DYNC1LI1: variants seen among roughly 807,000 people sequenced by gnomAD.
DYNC1LI1 encodes cytoplasmic dynein 1 light intermediate chain 1.
Under a neutral mutation model 63.8 loss-of-function variants are expected in DYNC1LI1, and 19 were observed. That is an observed-to-expected ratio of 0.30 (90% CI 0.21 to 0.44). The LOEUF is 0.44. Ranked by LOEUF, DYNC1LI1 falls within the 20% of genes least tolerant of loss-of-function variation. DYNC1LI1 has a pLI of 1.00. For synonymous variants in DYNC1LI1, 225 were observed against 232.3 expected (o/e 0.97, Z 0.28); for missense variants, 565 against 630.2 (o/e 0.90, Z 1.11).
chr3:32,569,984 G>C (rs945495205), intron 2 of DYNC1LI1, among the ~76,000 whole-genome samples: 4 of 152,226 alleles, frequency 2.6e-5, no homozygotes, highest in African/African-American at 4.8e-5. Context: ...CTCTCGCAAA[G>C]AGCCTCCTGC....
chr3:32,544,866 GATTA>G lies in DYNC1LI1; in HGVS notation c.568+6_568+9del. The G allele has an allele frequency of 6.4e-7, 1 of 1,568,992 alleles. No homozygotes were observed. Among genetic ancestry groups the G allele is most frequent in the Non-Finnish European group, 8.8e-7 (1 of 1,140,048 alleles). Reference sequence around the variant, plus strand: ...TTTGAAACCTACATTACTGTTTCTAGATTACTTACACTTTTGTTCCATTTGTTTC... The same window carrying G: ...TTTGAAACCTACATTACTGTTTCTAGCTTACACTTTTGTTCCATTTGTTTC... On this transcript the variant is annotated splice_donor_region_variant and intron_variant, in intron 4 of 12. Transcript: ENST00000273130.
intron 2 of DYNC1LI1, among the ~76,000 whole-genome samples, chr3:32,559,672 C>G (rs1024310353): frequency 1.3e-5 from 2 of 152,142 alleles, no homozygotes; most frequent in African/African-American, 4.8e-5. Flanking sequence ...TGAACACTTC[C>G]CAAGTACGCA....
intron 2 of DYNC1LI1, among the ~76,000 whole-genome samples, chr3:32,557,870 CA>C (rs1313422511): frequency 6.6e-6 from 1 of 152,142 alleles, no homozygotes; most frequent in Non-Finnish European, 1.5e-5. Flanking sequence ...TACAATTACG[CA>C]AGTAGAGAGT....
chr3:32,570,707 T>C lies in DYNC1LI1; in HGVS notation c.64A>G (p.Thr22Ala). The change falls in exon 1 of 13, where the codon ACT becomes GCT. Residue 22 changes from threonine to alanine, a missense_variant. Thr to Ala is a moderately conservative substitution (Grantham distance 58). Coordinates refer to ENST00000273130, the MANE Select transcript of DYNC1LI1 (RefSeq NM_016141.4). ...SSPPGLSSTYTGGPLGNEIAS... is the reference protein window; with the variant it reads ...SSPPGLSSTYAGGPLGNEIAS... Reference sequence around the variant, plus strand: ...ATCTCGTTGCCCAAGGGGCCGCCAGTGTAAGTCGAGGATAATCCCGGCGGA... The same window carrying C: ...ATCTCGTTGCCCAAGGGGCCGCCAGCGTAAGTCGAGGATAATCCCGGCGGA... 6.2e-7 allele frequency: 1 copy of C among 1,608,816 alleles called. No individual in the cohort carries two copies. The highest frequency in any genetic ancestry group is 8.5e-7 in the Non-Finnish European group (1 of 1,177,720).
At chr3:32,560,471 G>A (rs970357468) in intron 2 of DYNC1LI1, among the ~76,000 whole-genome samples, 1 of 152,008 alleles carries the variant, frequency 6.6e-6, no homozygotes, top group African/African-American at 2.4e-5. Flanking sequence ...GCTCAGTTGT[G>A]TAACCTAGGG....
chr3:32,526,961 G>A (rs957382868), intron 12 of DYNC1LI1, 53 bp from the exon 13 acceptor site: 19 of 1,240,524 alleles, frequency 1.5e-5, no homozygotes, highest in Middle Eastern at 1.9e-4. Flanking sequence ...TGAAAGTATC[G>A]TTTTCACCAA....
intron 7 of DYNC1LI1, among the ~76,000 whole-genome samples, chr3:32,533,401 T>C (rs1697728146): frequency 1.3e-5 from 2 of 152,092 alleles, no homozygotes; most frequent in Non-Finnish European, 1.5e-5. Context: ...CGCTTGAGCC[T>C]GGGAGGCAGG....
intron 2 of DYNC1LI1, among the ~76,000 whole-genome samples, chr3:32,546,562 A>G (rs763947823): frequency 5.3e-5 from 8 of 152,228 alleles, no homozygotes; most frequent in Non-Finnish European, 1.0e-4. Flanking sequence ...AGGTTTCAGG[A>G]ATTTCCACTC....
chr3:32,536,915 G>A, intron 6 of DYNC1LI1, 96 bp downstream of exon 6: 1 of 649,960 alleles, frequency 1.5e-6, no homozygotes, highest in Non-Finnish European at 2.6e-6. Context: ...AATGTTTACA[G>A]AATTTCTCAA....
intron 2 of DYNC1LI1, among the ~76,000 whole-genome samples, chr3:32,557,321 G>A (rs1698127942): frequency 6.6e-6 from 1 of 152,008 alleles, no homozygotes; most frequent in African/African-American, 2.4e-5. Context: ...TTTGAGACCA[G>A]CCTGGCCAAC....
chr3:32,545,053 G>C lies in DYNC1LI1; in HGVS notation c.391C>G (p.Leu131Val). ...ACGGCATCCAGTGAAAATTTAAGGA[G>C]GCCTTTGTGATATAGGTCTCCATCT... ...ILDGDLYHKG[L>V]LKFSLDAVSL... is the part of the protein sequence containing the mutation. Residue 131 changes from leucine (L) to valine (V), a missense_variant, in exon 4 of 13, where the codon CTC (leucine) becomes GTC (valine). By Grantham distance (32) the Leu-to-Val change is conservative. Transcript: ENST00000273130. The C allele has an allele frequency of 6.2e-7, 1 of 1,614,002 alleles. No homozygotes were observed. The highest frequency in any genetic ancestry group is 8.5e-7 in the Non-Finnish European group (1 of 1,179,946).
chr3:32,556,143 C>G (rs1472635393), intron 2 of DYNC1LI1, among the ~76,000 whole-genome samples: 1 of 152,202 alleles, frequency 6.6e-6, no homozygotes, highest in East Asian at 1.9e-4. Context: ...TCTCCCAACT[C>G]TACACCTTCA....
At chr3:32,531,032 G>A (rs1697689136) in intron 8 of DYNC1LI1, 1 of 153,008 alleles carries the variant, frequency 6.5e-6, no homozygotes, top group Non-Finnish European at 1.5e-5. Context: ...TCTATGAGCT[G>A]AATAATTAGG....
intron 2 of DYNC1LI1, among the ~76,000 whole-genome samples, chr3:32,568,047 A>C (rs1025752432): frequency 6.6e-6 from 1 of 152,064 alleles, no homozygotes; most frequent in Non-Finnish European, 1.5e-5. Flanking sequence ...CATACTACCC[A>C]GGCTGGTCTC....
At chr3:32,564,573 A>G (rs1468076618) in intron 2 of DYNC1LI1, among the ~76,000 whole-genome samples, 2 of 152,242 alleles carry the variant, frequency 1.3e-5, no homozygotes, top group Non-Finnish European at 1.5e-5. Context: ...TGCTGATTCT[A>G]TTATAAGATG....
intron 2 of DYNC1LI1, among the ~76,000 whole-genome samples, chr3:32,561,295 T>C (rs1698190323): frequency 1.3e-5 from 2 of 151,656 alleles, no homozygotes; most frequent in African/African-American, 4.9e-5. Flanking sequence ...TACTTAGTAT[T>C]GGCAATGGTG....
intron 2 of DYNC1LI1, among the ~76,000 whole-genome samples, chr3:32,561,682 T>A (rs958296009): frequency 4.6e-5 from 7 of 151,892 alleles, no homozygotes; most frequent in Non-Finnish European, 7.4e-5. Flanking sequence ...ACAATACTTA[T>A]GTAGAAAGAT....
At chr3:32,546,127 G>C (rs890379088) in intron 2 of DYNC1LI1, among the ~76,000 whole-genome samples, 162 bp from the exon 3 acceptor site, 11 of 152,208 alleles carry the variant, frequency 7.2e-5, no homozygotes, top group African/African-American at 2.7e-4. Flanking sequence ...TGCAGACTTG[G>C]CTGGGCATGG....
At position 32,526,783 on chromosome 3, in the gene DYNC1LI1, G is replaced by A; in HGVS notation, c.*16C>T. On this transcript the variant is annotated 3_prime_UTR_variant, in exon 13 of 13. Coordinates refer to ENST00000273130, the MANE Select transcript of DYNC1LI1 (RefSeq NM_016141.4). ...ATTATCCCAGAAAACAGAATAAATG[G>A]CTTTATTTGGTATCTTCAAGAAGCT... 1 of 1,532,858 alleles carries A rather than the reference G, an allele frequency of 6.5e-7. No homozygotes were observed. The highest frequency in any genetic ancestry group is 9.0e-7 in the Non-Finnish European group (1 of 1,107,710). The allele number at this position is 1,532,858 out of a possible 1,614,324, so 95.0% of individuals were successfully genotyped here.
Sources: gnomAD v4.1 joint callset for allele counts (sites outside exome capture counted in the v4.1 genomes callset) on GRCh38, gnomAD v4.1.1 for gene constraint, MANE v1.5 for transcripts, NCBI Gene and HGNC (gene_info 2026-07-23, HGNC 2026-07-21) for gene names.